The following CASZ1 variants were observed in gnomAD, a reference collection of about 807,000 sequenced individuals.
CASZ1 encodes the protein zinc finger protein castor homolog 1.
A neutral mutation model predicts 135.2 loss-of-function variants in CASZ1; 28 were observed. The ratio of observed to expected loss-of-function variants is 0.21; its 90% CI spans 0.15 to 0.28. The LOEUF (loss-of-function observed/expected upper bound fraction) is 0.28, where lower values mean the gene tolerates loss of function less well. Among genes scored for constraint, CASZ1 ranks in the 10% least tolerant of loss-of-function variants. CASZ1 has a pLI of 1.00. For missense variants in CASZ1, 2,161 were observed against 2,453.3 expected (o/e 0.88, Z 2.52); for synonymous variants, 1,068 against 1,073.4 (o/e 0.99, Z 0.10).
At chr1:10,668,633 G>A in intron 4 of CASZ1, among the ~76,000 whole-genome samples, 1 of 152,276 alleles carries the variant, frequency 6.6e-6, no homozygotes, top group East Asian at 1.9e-4. Flanking sequence ...CCAGCCTCTG[G>A]CCCCACGGGC....
chr1:10,780,004 C>A (rs78503375), intron 1 of CASZ1, among the ~76,000 whole-genome samples: 2 of 152,142 alleles, frequency 1.3e-5, no homozygotes, highest in Non-Finnish European at 2.9e-5. Flanking sequence ...CCCCGCCCAC[C>A]CTGAGCTGGG....
At chr1:10,750,028 C>A (rs577295572) in intron 2 of CASZ1, among the ~76,000 whole-genome samples, 1 of 152,294 alleles carries the variant, frequency 6.6e-6, no homozygotes, top group South Asian at 2.1e-4. Context: ...GGACAGCCGG[C>A]CTGTGTGCAG....
chr1:10,740,170 G>A (rs1639886510), intron 2 of CASZ1, among the ~76,000 whole-genome samples: 2 of 152,244 alleles, frequency 1.3e-5, no homozygotes, highest in African/African-American at 4.8e-5. Context: ...AATTGGAAGA[G>A]TGAGGCTCAG....
At position 10,660,112 on chromosome 1, in the gene CASZ1, G is replaced by C. The variant is rs951800832; in HGVS notation, c.930C>G (p.Ser310=). 6.2e-7 allele frequency: 1 copy of C among 1,614,184 alleles called. No homozygotes were observed. The highest frequency in any genetic ancestry group is 8.5e-7 in the Non-Finnish European group (1 of 1,180,020). The change falls in exon 6 of 21, where the codon TCC becomes TCG. Residue 310 remains serine (S), a synonymous_variant. Transcript: ENST00000377022. ...VQMQNLVARA[S]KYDFFIQKLK... ...GTTTTTGGATGAAGAAGTCGTACTT[G>C]GAGGCCCGGGCTACCAGGTTCTGCA... is the stretch of plus-strand genomic sequence containing the variant.
At position 10,650,959 on chromosome 1, in the gene CASZ1, A is replaced by G. The variant is rs1390981520; in HGVS notation, c.2798T>C (p.Leu933Pro). 1.9e-6 allele frequency: 3 copies of G among 1,596,402 alleles called. No homozygotes were observed. The highest frequency in any genetic ancestry group is 1.7e-4 in the Middle Eastern group (1 of 5,992). The stretch of plus-strand genomic sequence containing the variant: ...GCCTCACCTGGGCTCCTTCACAGTC[A>G]GGTCTAGACTGCGGTCCTGGGAGGC... The part of the protein sequence containing the change: ...HEASQDRSLD[L>P]TVKEPSNESN... The change falls in exon 12 of 21, where the codon CTG becomes CCG. Residue 933 changes from leucine to proline, a missense_variant. By Grantham distance (98) the Leu-to-Pro change is moderately conservative (BLOSUM62 -3). Around this residue, in one of 7 missense-constraint regions of CASZ1, gnomAD observed 406 missense variants for 387.6 expected, o/e 1.05. Transcript: ENST00000377022.
Position 10,697,386 on chromosome 1 carries a change from C to T in CASZ1, c.-23-3474G>A, listed in dbSNP as rs1638957067. On this transcript the variant is annotated intron_variant, in intron 3 of 20. Transcript: ENST00000377022. This position sits in a 1 kb window ranked among gnomAD's most constrained non-coding sequence, Gnocchi z 4.7. Reference sequence around the variant, plus strand: ...AGTGAGGACCTTCATGCCCGGGACTCAAGGGATGGAAGTCCAATGCCATAA... The same window carrying T: ...AGTGAGGACCTTCATGCCCGGGACTTAAGGGATGGAAGTCCAATGCCATAA... 6.6e-6 allele frequency among the ~76,000 whole-genome samples: 1 copy of T among 152,082 alleles called. No individual in the cohort carries two copies. Among genetic ancestry groups the T allele is most frequent in the African/African-American group, 2.4e-5 (1 of 41,368 alleles).
At chr1:10,648,744 C>G (rs1040150942) in intron 15 of CASZ1, 2 of 307,750 alleles carry the variant, frequency 6.5e-6, no homozygotes, top group Non-Finnish European at 1.2e-5. Flanking sequence ...ACAGCCGAGT[C>G]TCTCCAGCTG....
chr1:10,664,661 C>T (rs896088237), intron 5 of CASZ1, among the ~76,000 whole-genome samples: 6 of 152,064 alleles, frequency 3.9e-5, no homozygotes, highest in Admixed American at 3.3e-4. Context: ...AGCAGGCTCA[C>T]AGGCTCATGC....
Position 10,700,058 on chromosome 1 carries a change from CAGAG to C in CASZ1, c.-24+5430_-24+5433del, listed in dbSNP as rs775604464. Among the ~76,000 whole-genome samples the C allele has an allele frequency of 8.2e-4, 100 of 121,562 alleles. No homozygotes were observed. Among genetic ancestry groups the C allele is most frequent in the Middle Eastern group, 4.4e-3 (1 of 228 alleles). 79.7% of individuals were successfully genotyped at this position (121,562 alleles called of 152,430 possible). ...AGACAGAGAGAGAGAGAAAGAGAGA[CAGAG>C]AGAGAAAGAGAGATAGAGACACACA... On this transcript the variant is annotated intron_variant, in intron 3 of 20. Transcript: ENST00000377022. The surrounding 1 kb of genome is among the most constrained non-coding windows in gnomAD (Gnocchi z 4.2).
Position 10,700,116 on chromosome 1 carries a change from C to CACACACACACACACACACACACACAG in CASZ1, c.-24+5375_-24+5376insCTGTGTGTGTGTGTGTGTGTGTGTGT, listed in dbSNP as rs1639030887. Among the ~76,000 whole-genome samples, 2 of 151,022 alleles carry CACACACACACACACACACACACACAG rather than the reference C, an allele frequency of 1.3e-5. No homozygotes were observed. Among genetic ancestry groups the CACACACACACACACACACACACACAG allele is most frequent in the African/African-American group, 4.9e-5 (2 of 40,662 alleles). ...ACACACACACACACACACACACACA[C>CACACACACACACACACACACACACAG]AGAGTATGAAGCAGGGACCTGGGCT... On this transcript the variant is annotated intron_variant, in intron 3 of 20. Coordinates refer to ENST00000377022, the MANE Select transcript of CASZ1 (RefSeq NM_001079843.3). The surrounding 1 kb of genome is among the most constrained non-coding windows in gnomAD (Gnocchi z 4.2).
intron 2 of CASZ1, among the ~76,000 whole-genome samples, chr1:10,714,552 C>T (rs1022342243): frequency 6.6e-5 from 10 of 152,184 alleles, no homozygotes; most frequent in African/African-American, 2.4e-4. Flanking sequence ...GGGCACCCCC[C>T]GCCACCACCA....
At chr1:10,673,794 G>A (rs764561031) in intron 4 of CASZ1, among the ~76,000 whole-genome samples, 13 of 152,160 alleles carry the variant, frequency 8.5e-5, no homozygotes, top group Non-Finnish European at 1.8e-4. Context: ...CTTCCATGTG[G>A]ACCCTCCGTG....
intron 2 of CASZ1, among the ~76,000 whole-genome samples, chr1:10,730,546 T>C (rs1312085502): frequency 6.6e-6 from 1 of 152,198 alleles, no homozygotes; most frequent in African/African-American, 2.4e-5. Context: ...ACACCATCTT[T>C]ACCTGAAAGA....
chr1:10,645,995 CG>C (rs1642352627), intron 17 of CASZ1, 132 bp downstream of exon 17: 8 of 865,320 alleles, frequency 9.2e-6, no homozygotes, highest in South Asian at 1.6e-5. Context: ...TTCCAGAGTC[CG>C]GGAGGCCCAT....
rs183063689 is a variant in CASZ1, at chr1:10,637,503, T to C, written c.*1439A>G. 3.2e-3 allele frequency: 481 copies of C among 152,382 alleles called. 1 individual carries two copies. Among genetic ancestry groups the C allele is most frequent in the Non-Finnish European group, 2.8e-3 (188 of 68,004 alleles). 9.4% of individuals were successfully genotyped at this position (152,382 alleles called of 1,614,324 possible). On this transcript the variant is annotated 3_prime_UTR_variant, in exon 21 of 21. Coordinates refer to ENST00000377022, the MANE Select transcript of CASZ1 (RefSeq NM_001079843.3). Reference sequence around the variant, plus strand: ...TCCTGGAGACCTCTGGGGAGGAGGCTTCTGGATGACAGCCTCCCCGCCAGC... The same window carrying C: ...TCCTGGAGACCTCTGGGGAGGAGGCCTCTGGATGACAGCCTCCCCGCCAGC...
intron 1 of CASZ1, among the ~76,000 whole-genome samples, chr1:10,761,848 G>T (rs1275277628): frequency 6.6e-6 from 1 of 152,196 alleles, no homozygotes; most frequent in Non-Finnish European, 1.5e-5. Context: ...CCCAGAGGGG[G>T]TGCTCGGTCC....
At chr1:10,663,554 C>A (rs1206584972) in intron 5 of CASZ1, among the ~76,000 whole-genome samples, 1 of 152,218 alleles carries the variant, frequency 6.6e-6, no homozygotes, top group Non-Finnish European at 1.5e-5. Flanking sequence ...CTAAAAATAG[C>A]TGGAGGCAGC....
chr1:10,769,043 G>A (rs2100589777), intron 1 of CASZ1, among the ~76,000 whole-genome samples: 1 of 152,344 alleles, frequency 6.6e-6, no homozygotes, highest in South Asian at 2.1e-4. Flanking sequence ...AGGAGACTGA[G>A]GCAGGAGAAT....
Position 10,645,076 on chromosome 1 carries a change from G to A in CASZ1, c.3709C>T (p.Arg1237Ter), listed in dbSNP as rs370332553. 1.2e-6 allele frequency: 2 copies of A among 1,613,630 alleles called. No homozygotes were observed. The highest frequency in any genetic ancestry group is 2.2e-5 in the East Asian group (1 of 44,896). Reference sequence around the variant, plus strand: ...AGGCAGTGGTAGTGCCCACGCATTCGGAACTCGCAGTGCTGCAGGGAGACA... The same window carrying A: ...AGGCAGTGGTAGTGCCCACGCATTCAGAACTCGCAGTGCTGCAGGGAGACA... ...CLCPNQHCEF[R>*]MRGHYHCLRT... The change falls in exon 18 of 21, where the codon CGA becomes TGA. Residue 1237 changes from arginine to a stop codon, truncating the protein, a stop_gained. Transcript: ENST00000377022. LOFTEE classifies it high-confidence loss of function.
Sources: gnomAD v4.1 joint callset for allele counts (sites outside exome capture counted in the v4.1 genomes callset) on GRCh38, gnomAD v4.1.1 for gene constraint, gnomAD v4.1.1 regional missense constraint, Gnocchi (gnomAD v3.1) non-coding constraint, MANE v1.5 for transcripts, NCBI Gene and HGNC (gene_info 2026-07-23, HGNC 2026-07-21) for gene names.